Variants in PAX5 observed in about 807,000 individuals in gnomAD.
PAX5 encodes paired box 5, also known as paired box protein Pax-5.
In PAX5, 9 loss-of-function variants were observed where a neutral mutation model predicts 43.7. The observed-to-expected ratio is 0.21, with a 90% CI of 0.12 to 0.36. The LOEUF (loss-of-function observed/expected upper bound fraction) is 0.36. Ranked by LOEUF, PAX5 falls within the 10% of genes least tolerant of loss-of-function variation. PAX5 has a pLI of 1.00. For synonymous variants in PAX5, 228 were observed against 214.3 expected (o/e 1.06, Z -0.56); for missense variants, 383 against 532.7 (o/e 0.72, Z 2.77).
intron 8 of PAX5, among the ~76,000 whole-genome samples, chr9:36,875,895 G>A (rs1825866822): frequency 6.6e-6 from 1 of 152,226 alleles, no homozygotes; most frequent in Admixed American, 6.5e-5. Flanking sequence ...CTTGACTTCA[G>A]CCCAGTGAGA....
At position 36,943,243 on chromosome 9, in the gene PAX5, A is replaced by AG. The variant is rs1352647097; in HGVS notation, c.781-19760dup. Among the ~76,000 whole-genome samples the AG allele has an allele frequency of 5.3e-5, 8 of 152,166 alleles. No homozygotes were observed. In the South Asian group the frequency reaches 8.3e-4, roughly 16 times the overall value. ...ATTGCCTTGAGGTGGGTGCAGGCCA[A>AG]GGGGGAGCCCAGGCAAAGATGGGGA... On this transcript the variant is annotated intron_variant, in intron 6 of 9. Coordinates refer to ENST00000358127, the MANE Select transcript of PAX5 (RefSeq NM_016734.3).
intron 6 of PAX5, among the ~76,000 whole-genome samples, chr9:36,948,332 G>A (rs1441874287): frequency 1.3e-5 from 2 of 152,158 alleles, no homozygotes; most frequent in Non-Finnish European, 1.5e-5. Flanking sequence ...CCCTTCCTCC[G>A]AGAGGGACGG....
intron 8 of PAX5, among the ~76,000 whole-genome samples, chr9:36,868,690 C>T (rs891525344): frequency 6.6e-6 from 1 of 152,070 alleles, no homozygotes. Context: ...GGCCCCAGAG[C>T]CCATAGATAG....
intron 6 of PAX5, among the ~76,000 whole-genome samples, chr9:36,961,966 A>G (rs562206857): frequency 6.6e-6 from 1 of 152,354 alleles, no homozygotes; most frequent in East Asian, 1.9e-4. Flanking sequence ...TTCATTGCCC[A>G]GGCGTGGTCA....
rs78531207 is a variant in PAX5, at chr9:36,841,807, C to T, written c.1100-1171G>A. 1.7e-3 allele frequency among the ~76,000 whole-genome samples: 257 copies of T among 152,332 alleles called. 4 individuals are homozygous for T. In the East Asian group the frequency reaches 0.038, roughly 23 times the overall value. On this transcript the variant is annotated intron_variant, in intron 9 of 9. Coordinates refer to ENST00000358127, the MANE Select transcript of PAX5 (RefSeq NM_016734.3). Reference sequence around the variant, plus strand: ...CAGGGCTGGGCAATAATGGGGCAAACGCCAGCCTGACACAGGTTAATATTC... The same window carrying T: ...CAGGGCTGGGCAATAATGGGGCAAATGCCAGCCTGACACAGGTTAATATTC...
At chr9:36,863,910 A>G (rs1048316323) in intron 8 of PAX5, among the ~76,000 whole-genome samples, 7 of 152,208 alleles carry the variant, frequency 4.6e-5, no homozygotes, top group Admixed American at 1.3e-4. Context: ...GGAGCTCAAG[A>G]CCAGCCTGGC....
intron 5 of PAX5, among the ~76,000 whole-genome samples, chr9:36,971,536 T>G (rs950952777): frequency 6.6e-6 from 1 of 152,232 alleles, no homozygotes; most frequent in African/African-American, 2.4e-5. Flanking sequence ...GAGAAAAGTC[T>G]GAACTCACAA....
intron 8 of PAX5, among the ~76,000 whole-genome samples, chr9:36,847,403 C>T (rs1233398344): frequency 1.3e-5 from 2 of 152,192 alleles, no homozygotes; most frequent in Non-Finnish European, 2.9e-5. Context: ...TGGCTCTGGA[C>T]AGAGAAGCCA....
At chr9:36,849,839 T>C (rs1163600293) in intron 8 of PAX5, among the ~76,000 whole-genome samples, 2 of 152,156 alleles carry the variant, frequency 1.3e-5, no homozygotes, top group Non-Finnish European at 2.9e-5. Flanking sequence ...CGTTTGACCA[T>C]GTACGGGTCG....
chr9:37,008,455 G>T (rs1305155560), intron 3 of PAX5, among the ~76,000 whole-genome samples: 2 of 152,232 alleles, frequency 1.3e-5, no homozygotes, highest in African/African-American at 4.8e-5. Flanking sequence ...TTCTGAGGCT[G>T]CACTGGGTCT....
At chr9:36,855,410 T>C (rs1216139156) in intron 8 of PAX5, among the ~76,000 whole-genome samples, 2 of 152,228 alleles carry the variant, frequency 1.3e-5, no homozygotes, top group Non-Finnish European at 2.9e-5. Context: ...TGAACAACAC[T>C]GGTCCAAGTT....
At chr9:36,971,731 A>T (rs1834939854) in intron 5 of PAX5, among the ~76,000 whole-genome samples, 1 of 152,226 alleles carries the variant, frequency 6.6e-6, no homozygotes, top group South Asian at 2.1e-4. Flanking sequence ...CAGGGGAGCA[A>T]GGGGCAGGAA....
chr9:36,908,605 A>G (rs1829006022), intron 7 of PAX5, among the ~76,000 whole-genome samples: 1 of 152,240 alleles, frequency 6.6e-6, no homozygotes, highest in Non-Finnish European at 1.5e-5. Context: ...CAAATTGCCC[A>G]GGTGCTATCC....
chr9:36,942,501 T>A (rs544029082), intron 6 of PAX5, among the ~76,000 whole-genome samples: 3 of 152,326 alleles, frequency 2.0e-5, no homozygotes, highest in South Asian at 4.1e-4. Flanking sequence ...CAGCACCTTT[T>A]ACACACAGAG....
intron 6 of PAX5, among the ~76,000 whole-genome samples, chr9:36,949,859 C>T (rs1376253145): frequency 6.6e-6 from 1 of 152,202 alleles, no homozygotes; most frequent in Non-Finnish European, 1.5e-5. Flanking sequence ...AAGCCAATCC[C>T]CTCATACTGT....
intron 5 of PAX5, among the ~76,000 whole-genome samples, chr9:36,969,176 T>G (rs115971312): frequency 0.13 from 20,025 of 152,100 alleles, 1,458 homozygotes; most frequent in African/African-American, 0.18. Flanking sequence ...CAGTGAAACC[T>G]CCTTCCTGTC....
intron 7 of PAX5, among the ~76,000 whole-genome samples, chr9:36,918,642 C>T (rs1384985069): frequency 2.6e-5 from 4 of 152,108 alleles, no homozygotes; most frequent in Non-Finnish European, 5.9e-5. Flanking sequence ...GCCTGGGTGA[C>T]ACAGTGAGAC....
At chr9:37,002,475 G>A (rs1837967484) in intron 5 of PAX5, among the ~76,000 whole-genome samples, 173 bp downstream of exon 5, 1 of 152,272 alleles carries the variant, frequency 6.6e-6, no homozygotes, top group African/African-American at 2.4e-5. Flanking sequence ...CTGTCTTGCG[G>A]AGGGCTCAGC....
At chr9:36,944,011 C>T (rs1244797295) in intron 6 of PAX5, among the ~76,000 whole-genome samples, 5 of 152,048 alleles carry the variant, frequency 3.3e-5, no homozygotes, top group African/African-American at 1.2e-4. Flanking sequence ...CATAGCAAGA[C>T]TCCATCCCTA....
Sources: gnomAD v4.1 joint callset for allele counts (sites outside exome capture counted in the v4.1 genomes callset) on GRCh38, gnomAD v4.1.1 for gene constraint, MANE v1.5 for transcripts, NCBI Gene and HGNC (gene_info 2026-07-23, HGNC 2026-07-21) for gene names.